Variants in IPO11 observed in about 807,000 individuals in gnomAD.
IPO11 encodes the protein importin-11.
IPO11 carries 66 observed loss-of-function variants against 143.2 expected under a neutral mutation model. The ratio of observed to expected loss-of-function variants is 0.46; its 90% CI spans 0.38 to 0.57. IPO11 has a LOEUF of 0.57. Ranked by LOEUF, IPO11 falls within the 20% of genes least tolerant of loss-of-function variation. IPO11 has a pLI of 0.00. For missense variants in IPO11, 1,026 were observed against 1,141.0 expected (o/e 0.90, Z 1.45); for synonymous variants, 385 against 377.8 (o/e 1.02, Z -0.22).
At chr5:62,432,977 A>G (rs1744044570) in intron 1 of IPO11, among the ~76,000 whole-genome samples, 1 of 152,182 alleles carries the variant, frequency 6.6e-6, no homozygotes, top group African/African-American at 2.4e-5. Context: ...TAATCTGTGG[A>G]GTGATACTTG....
intron 8 of IPO11, among the ~76,000 whole-genome samples, chr5:62,475,243 GGCGTGGTGACTCAACGCCTGTAACCCCA>G (rs1477598919): frequency 1.3e-5 from 2 of 152,114 alleles, no homozygotes; most frequent in Non-Finnish European, 2.9e-5. Flanking sequence ...CCTGAGGCCA[GGCGTGGTGACTCAACGCCTGTAACCCCA>G]GCACTTTGGG....
chr5:62,624,463 A>G (rs1277238430), intron 29 of IPO11, among the ~76,000 whole-genome samples: 1 of 109,790 alleles, frequency 9.1e-6, no homozygotes, highest in Non-Finnish European at 1.8e-5. Flanking sequence ...ATGCTAATGC[A>G]TTATAATTAA....
intron 5 of IPO11, among the ~76,000 whole-genome samples, chr5:62,461,235 G>A (rs784918): frequency 4.0e-5 from 6 of 151,732 alleles, no homozygotes; most frequent in African/African-American, 1.5e-4. Flanking sequence ...TGGGAGGTTG[G>A]GGGGATGGGG....
chr5:62,576,997 G>A (rs1033981387), intron 27 of IPO11, among the ~76,000 whole-genome samples: 6 of 152,338 alleles, frequency 3.9e-5, no homozygotes, highest in Middle Eastern at 3.4e-3. Flanking sequence ...AGCTCAATGA[G>A]TCAATTTCCT....
At chr5:62,614,067 A>G (rs923725917) in intron 29 of IPO11, among the ~76,000 whole-genome samples, 2 of 152,224 alleles carry the variant, frequency 1.3e-5, no homozygotes, top group African/African-American at 2.4e-5. Flanking sequence ...TCGCATGTGC[A>G]TTGTGTGTGA....
intron 1 of IPO11, among the ~76,000 whole-genome samples, chr5:62,435,832 C>T (rs1269138299): frequency 6.6e-6 from 1 of 151,944 alleles, no homozygotes; most frequent in African/African-American, 2.4e-5. Context: ...AGTTTGAGAC[C>T]AGCCTGGCCA....
rs181416462 is a variant in IPO11 at position 62,597,208 on chromosome 5, G to A, written c.2679-4556G>A. ...TAAGAAACCTTGATTTGGGAAACCT[G>A]TGGCATCAGGATATAAAACTTAGCT... On this transcript the variant is annotated intron_variant, in intron 28 of 29. Coordinates refer to ENST00000325324, the MANE Select transcript of IPO11 (RefSeq NM_016338.5). Among the ~76,000 whole-genome samples, 38 of 152,278 alleles carry A rather than the reference G, an allele frequency of 2.5e-4. No homozygotes were observed. In the East Asian group the frequency reaches 6.9e-3, roughly 28 times the overall value.
chr5:62,567,672 TC>T (rs927180442), intron 27 of IPO11, among the ~76,000 whole-genome samples: 7 of 150,294 alleles, frequency 4.7e-5, no homozygotes, highest in African/African-American at 1.7e-4. Flanking sequence ...AAGCAATTCT[TC>T]TGCCTCAGCC....
intron 1 of IPO11, among the ~76,000 whole-genome samples, chr5:62,413,945 C>T (rs545756348): frequency 6.6e-6 from 1 of 152,256 alleles, no homozygotes; most frequent in South Asian, 2.1e-4. Context: ...AACATTTTCC[C>T]TTTTGGTTAT....
In IPO11 at chr5:62,563,165, C is replaced by T. The variant is rs189894810; in HGVS notation, c.2582+1908C>T. ...TTGAAAGCCAAATTTAAGTTACCTA[C>T]ATTTTAACTCATTGGTGTTTCTTTC... is the stretch of plus-strand genomic sequence containing the variant. On this transcript the variant is annotated intron_variant, in intron 27 of 29. Coordinates refer to ENST00000325324, the MANE Select transcript of IPO11 (RefSeq NM_016338.5). Among the ~76,000 whole-genome samples the T allele has an allele frequency of 5.8e-4, 88 of 152,302 alleles. 2 individuals carry two copies. Among genetic ancestry groups the T allele is most frequent in the South Asian group, 1.9e-3 (9 of 4,828 alleles).
At chr5:62,580,570 G>A in intron 27 of IPO11, 1 of 1,551,402 alleles carries the variant, frequency 6.4e-7, no homozygotes, top group South Asian at 1.2e-5. Flanking sequence ...AGCATCTTCA[G>A]CCATTACTCT....
intron 24 of IPO11, among the ~76,000 whole-genome samples, chr5:62,546,713 T>C (rs1474758821): frequency 1.3e-5 from 2 of 152,154 alleles, no homozygotes; most frequent in Non-Finnish European, 2.9e-5. Flanking sequence ...AAACAATTAG[T>C]AATAGGTAAT....
At chr5:62,475,366 T>C (rs1745920810) in intron 8 of IPO11, among the ~76,000 whole-genome samples, 1 of 152,012 alleles carries the variant, frequency 6.6e-6, no homozygotes, top group African/African-American at 2.4e-5. Flanking sequence ...ACAAAAAATA[T>C]TAAAAAGTTA....
At chr5:62,464,450 ATTG>A (rs1258151712) in intron 5 of IPO11, among the ~76,000 whole-genome samples, 4 of 149,576 alleles carry the variant, frequency 2.7e-5, no homozygotes, top group African/African-American at 9.9e-5. Flanking sequence ...GTTATTTTTT[ATTG>A]TTGTTGTTTT....
chr5:62,471,084 T>C (rs1448526031), intron 7 of IPO11, among the ~76,000 whole-genome samples: 1 of 151,854 alleles, frequency 6.6e-6, no homozygotes, highest in Non-Finnish European at 1.5e-5. Context: ...CTTTTTGGCT[T>C]CCGAAAGTGC....
chr5:62,584,224 TG>T (rs1328197822), intron 27 of IPO11, among the ~76,000 whole-genome samples: 2 of 151,984 alleles, frequency 1.3e-5, no homozygotes, highest in Non-Finnish European at 2.9e-5. Context: ...TTCCTGTCAG[TG>T]GAGTAGATAC....
intron 13 of IPO11, among the ~76,000 whole-genome samples, chr5:62,488,204 G>T (rs1258198567): frequency 6.6e-6 from 1 of 152,194 alleles, no homozygotes; most frequent in Non-Finnish European, 1.5e-5. Flanking sequence ...GTGGCAGTGG[G>T]AATGGAAATA....
intron 27 of IPO11, among the ~76,000 whole-genome samples, chr5:62,570,652 T>C (rs1430945576): frequency 2.0e-5 from 3 of 152,234 alleles, no homozygotes; most frequent in African/African-American, 7.2e-5. Flanking sequence ...CCTGACTATT[T>C]AGGAAAGTTT....
At chr5:62,623,618 G>T (rs548535959) in intron 29 of IPO11, among the ~76,000 whole-genome samples, 1 of 150,864 alleles carries the variant, frequency 6.6e-6, no homozygotes, top group South Asian at 2.1e-4. Flanking sequence ...ATTTCTATGG[G>T]TATTTCTTTC....
Sources: allele counts gnomAD v4.1 joint callset (sites outside exome capture counted in the v4.1 genomes callset), GRCh38; gene constraint gnomAD v4.1.1; transcripts MANE v1.5; gene names NCBI Gene and HGNC (gene_info 2026-07-23, HGNC 2026-07-21).